Variants in DIP2C observed in about 807,000 individuals in gnomAD.
The protein encoded by DIP2C is DIP2 acetate--CoA ligase C (putative).
DIP2C carries 33 observed loss-of-function variants against 192.4 expected under a neutral mutation model. The observed-to-expected ratio is 0.17, with a 90% CI of 0.13 to 0.23. The LOEUF is 0.23. DIP2C is among the 10% of genes least tolerant of loss of function. DIP2C has a pLI of 1.00. For missense variants in DIP2C, 1,537 were observed against 2,110.1 expected (o/e 0.73, Z 5.32); for synonymous variants, 979 against 864.1 (o/e 1.13, Z -2.33).
At chr10:390,948 G>T in intron 10 of DIP2C, 85 bp from the exon 11 acceptor site, 1 of 1,546,924 alleles carries the variant, frequency 6.5e-7, no homozygotes. Context: ...CGTTCACACA[G>T]ACCCTCGAGT....
At chr10:650,012 C>T (rs1344859051) in intron 1 of DIP2C, 1 of 657,568 alleles carries the variant, frequency 1.5e-6, no homozygotes, top group Non-Finnish European at 2.8e-6. Flanking sequence ...ATCAACAATT[C>T]CTTATTAGGA....
At chr10:398,111 T>C (rs914798292) in intron 10 of DIP2C, among the ~76,000 whole-genome samples, 4 of 152,250 alleles carry the variant, frequency 2.6e-5, no homozygotes, top group African/African-American at 9.6e-5. Context: ...TATAAAGCTC[T>C]CTCTTGTGGG....
intron 1 of DIP2C, among the ~76,000 whole-genome samples, chr10:495,389 A>G (rs1844753942): frequency 1.3e-5 from 2 of 152,146 alleles, no homozygotes; most frequent in African/African-American, 4.8e-5. Context: ...AAGAGAATGG[A>G]TCTTCTGTAT....
Position 350,828 on chromosome 10 carries a change from G to C in DIP2C, c.2986-1374C>G, listed in dbSNP as rs140443470. Among the ~76,000 whole-genome samples the C allele has an allele frequency of 4.3e-3, 653 of 152,146 alleles. 5 individuals are homozygous for C. The highest frequency in any genetic ancestry group is 0.014 in the African/African-American group (601 of 41,488). ...CGCCCAACTAATTTTTGTATTTTTAGTAGAAATGGGGGTTTCACTATGTTG... is the reference window on the plus strand; with the variant it reads ...CGCCCAACTAATTTTTGTATTTTTACTAGAAATGGGGGTTTCACTATGTTG... On this transcript the variant is annotated intron_variant, in intron 24 of 36. Transcript: ENST00000280886.
At chr10:409,316 G>A (rs917032072) in intron 8 of DIP2C, among the ~76,000 whole-genome samples, 1 of 152,098 alleles carries the variant, frequency 6.6e-6, no homozygotes, top group African/African-American at 2.4e-5. Context: ...GGGTGGCGAG[G>A]GGGGGCGCGG....
At chr10:486,398 C>G in intron 2 of DIP2C, 61 bp downstream of exon 2, 1 of 1,460,750 alleles carries the variant, frequency 6.8e-7, no homozygotes, top group Non-Finnish European at 9.2e-7. Flanking sequence ...CCAGATGTTT[C>G]TCTGGCACAT....
rs199526043 is a variant in DIP2C, at chr10:579,584, CAT to C, written c.86-93056_86-93055del. 9.3e-3 allele frequency among the ~76,000 whole-genome samples: 1,417 copies of C among 152,164 alleles called. 30 individuals carry two copies. Among genetic ancestry groups the C allele is most frequent in the African/African-American group, 0.033 (1,357 of 41,472 alleles). On this transcript the variant is annotated intron_variant, in intron 1 of 36. Transcript: ENST00000280886. ...GTACACTATAACACATGCGTACATG[CAT>C]AGAGCATACACATCCAAATAGTGTA...
At chr10:607,750 TTC>T (rs1405604817) in intron 1 of DIP2C, among the ~76,000 whole-genome samples, 1 of 152,144 alleles carries the variant, frequency 6.6e-6, no homozygotes, top group Non-Finnish European at 1.5e-5. Context: ...GTATTGCGGC[TTC>T]TGTCTTCAGA....
At chr10:674,771 A>AATAAATATATATATAT (rs1554772081) in intron 1 of DIP2C, among the ~76,000 whole-genome samples, 1 of 27,702 alleles carries the variant, frequency 3.6e-5, no homozygotes, top group African/African-American at 1.7e-4. Flanking sequence ...CTCCATCTCA[A>AATAAATATATATATAT]ATATATATAT....
intron 1 of DIP2C, among the ~76,000 whole-genome samples, chr10:619,455 G>A (rs1853696180): frequency 6.8e-6 from 1 of 147,936 alleles, no homozygotes; most frequent in East Asian, 2.0e-4. Flanking sequence ...AGAGCCCACG[G>A]CAGCCCTGGC....
intron 3 of DIP2C, among the ~76,000 whole-genome samples, 180 bp downstream of exon 3, chr10:472,259 G>A (rs11252614): frequency 0.034 from 5,111 of 152,312 alleles, 116 homozygotes; most frequent in Non-Finnish European, 0.049. Flanking sequence ...ACCACGTGAA[G>A]AGCTATTTAC....
At chr10:339,403 T>C (rs1199165865) in intron 29 of DIP2C, among the ~76,000 whole-genome samples, 1 of 152,168 alleles carries the variant, frequency 6.6e-6, no homozygotes, top group African/African-American at 2.4e-5. Flanking sequence ...GAAAGATGCT[T>C]GTCAAATTTC....
Position 666,137 on chromosome 10 carries a change from A to G in DIP2C, c.85+23357T>C, listed in dbSNP as rs1414128152. The G allele has an allele frequency of 6.6e-6, 1 of 152,204 alleles. No individual in the cohort carries two copies. The highest frequency in any genetic ancestry group is 1.9e-4 in the East Asian group (1 of 5,196). 9.4% of individuals were successfully genotyped at this position (152,204 alleles called of 1,614,324 possible). A position where few individuals can be genotyped will look rare whatever the true frequency, so the allele number is the denominator to read the frequency against. On this transcript the variant is annotated intron_variant, in intron 1 of 36. Transcript: ENST00000280886. The surrounding 1 kb of genome is among the most constrained non-coding windows in gnomAD (Gnocchi z 4.1). ...GTGGGAAAGAAGGGCTATCTGGAAT[A>G]ATACGAGTCCGGGTGACATATGTAA...
chr10:471,075 G>A (rs182148880), intron 3 of DIP2C, among the ~76,000 whole-genome samples: 46 of 152,114 alleles, frequency 3.0e-4, no homozygotes, highest in African/African-American at 1.1e-3. Context: ...AATATGTGTC[G>A]GGGCTTAAGA....
intron 5 of DIP2C, among the ~76,000 whole-genome samples, chr10:419,449 G>A (rs1966026741): frequency 1.3e-5 from 2 of 152,240 alleles, no homozygotes; most frequent in African/African-American, 4.8e-5. Flanking sequence ...CGGGAGCCAT[G>A]TCAGCAGCAT....
At chr10:527,569 A>T (rs1479071561) in intron 1 of DIP2C, among the ~76,000 whole-genome samples, 2 of 152,244 alleles carry the variant, frequency 1.3e-5, no homozygotes, top group African/African-American at 4.8e-5. Flanking sequence ...AACCGATTAC[A>T]AATGTACTAC....
intron 1 of DIP2C, among the ~76,000 whole-genome samples, chr10:518,884 T>A (rs780198258): frequency 1.3e-5 from 2 of 152,144 alleles, no homozygotes; most frequent in Non-Finnish European, 2.9e-5. Flanking sequence ...AAAAGGAGGA[T>A]CATTTTAGAC....
chr10:458,218 C>G (rs1969466367), intron 3 of DIP2C, among the ~76,000 whole-genome samples: 1 of 152,178 alleles, frequency 6.6e-6, no homozygotes, highest in Admixed American at 6.5e-5. Context: ...GCCTTCTCTC[C>G]TAGCATCATT....
intron 1 of DIP2C, among the ~76,000 whole-genome samples, chr10:570,107 G>T (rs1387253500): frequency 6.6e-6 from 1 of 152,190 alleles, no homozygotes; most frequent in Non-Finnish European, 1.5e-5. Context: ...GGCTTTCAGA[G>T]ATAGTCATAG....
Sources: gnomAD v4.1 joint callset for allele counts (sites outside exome capture counted in the v4.1 genomes callset) on GRCh38, gnomAD v4.1.1 for gene constraint, Gnocchi (gnomAD v3.1) non-coding constraint, MANE v1.5 for transcripts, NCBI Gene and HGNC (gene_info 2026-07-23, HGNC 2026-07-21) for gene names.